Variants in FRMD4A observed in about 807,000 individuals in gnomAD.
FRMD4A encodes the protein FERM domain containing 4A, also known as FERM domain-containing protein 4A.
Under a neutral mutation model 129.1 loss-of-function variants are expected in FRMD4A, and 29 were observed. The ratio of observed to expected loss-of-function variants is 0.22; its 90% CI spans 0.17 to 0.31. The LOEUF (loss-of-function observed/expected upper bound fraction) is 0.31. FRMD4A is among the 10% of genes least tolerant of loss of function. The pLI, the probability that FRMD4A is intolerant of heterozygous loss-of-function variation, is 1.00. For synonymous variants in FRMD4A, 634 were observed against 571.6 expected (o/e 1.11, Z -1.56); for missense variants, 1,272 against 1,375.8 (o/e 0.92, Z 1.19).
chr10:13,961,801 G>C (rs1037313977), intron 2 of FRMD4A, among the ~76,000 whole-genome samples: 1 of 152,140 alleles, frequency 6.6e-6, no homozygotes, highest in African/African-American at 2.4e-5. Flanking sequence ...AATGATGTTA[G>C]ATTTCCACCT....
At chr10:13,764,184 C>CGTGTGTGTGTGTGTGT (rs369852562) in intron 6 of FRMD4A, among the ~76,000 whole-genome samples, 3 of 141,596 alleles carry the variant, frequency 2.1e-5, no homozygotes, top group African/African-American at 5.3e-5. Flanking sequence ...CAAAGATTTC[C>CGTGTGTGTGTGTGTGT]GTGTGTGTGT....
Position 14,062,844 on chromosome 10 carries a change from C to T in FRMD4A, c.46-203932G>A, listed in dbSNP as rs144593322. Among the ~76,000 whole-genome samples the T allele has an allele frequency of 2.3e-3, 349 of 152,314 alleles. 3 individuals carry two copies. Among genetic ancestry groups the T allele is most frequent in the African/African-American group, 8.0e-3 (334 of 41,564 alleles). On this transcript the variant is annotated intron_variant, in intron 2 of 24. Transcript: ENST00000357447. ...TTTGGGAGGTTGCAGTGAGATCATG[C>T]CATTGCACTCCAGTGAAAGGGGAAG... is the stretch of plus-strand genomic sequence containing the variant.
At chr10:13,799,738 T>C (rs1194501618) in intron 4 of FRMD4A, among the ~76,000 whole-genome samples, 2 of 152,122 alleles carry the variant, frequency 1.3e-5, no homozygotes, top group South Asian at 2.1e-4. Context: ...TGTTTAGCCA[T>C]TGTGCAAGGC....
intron 4 of FRMD4A, 93 bp downstream of exon 4, chr10:13,810,721 C>T: frequency 1.6e-6 from 1 of 609,460 alleles, no homozygotes. Flanking sequence ...AAGTGGTCTG[C>T]AGCTGATTTC....
chr10:13,832,159 C>CGG (rs58215787), intron 3 of FRMD4A, among the ~76,000 whole-genome samples: 5 of 151,854 alleles, frequency 3.3e-5, no homozygotes, highest in South Asian at 2.1e-4. Context: ...CCCAGCTCAC[C>CGG]GGGGGTGAAC....
rs140040052 is a variant in FRMD4A, at chr10:13,902,456, G to GGAGAGAGAGAGAGAGAGAGAGA, written c.46-43566_46-43545dup. 2.3e-3 allele frequency among the ~76,000 whole-genome samples: 300 copies of GGAGAGAGAGAGAGAGAGAGAGA among 127,736 alleles called. 8 individuals carry two copies. The highest frequency in any genetic ancestry group is 9.3e-3 in the Middle Eastern group (2 of 214). 83.8% of individuals were successfully genotyped at this position (127,736 alleles called of 152,430 possible). A position where few individuals can be genotyped will look rare whatever the true frequency, so the allele number is the denominator to read the frequency against. On this transcript the variant is annotated intron_variant, in intron 2 of 24. Coordinates refer to ENST00000357447, the MANE Select transcript of FRMD4A (RefSeq NM_018027.5). The stretch of plus-strand genomic sequence containing the variant: ...GAAATTGATGGTTAGGCAAAATACT[G>GGAGAGAGAGAGAGAGAGAGAGA]GAGAGAGAGAGAGAGAGAGAGAGAG...
intron 2 of FRMD4A, among the ~76,000 whole-genome samples, chr10:14,049,292 A>G (rs1834146371): frequency 1.3e-5 from 2 of 152,206 alleles, no homozygotes; most frequent in Admixed American, 6.5e-5. Context: ...GGGGATGAGG[A>G]GATCATTGTC....
At chr10:13,939,154 C>T (rs550899730) in intron 2 of FRMD4A, among the ~76,000 whole-genome samples, 17 of 152,314 alleles carry the variant, frequency 1.1e-4, no homozygotes, top group Non-Finnish European at 1.6e-4. Flanking sequence ...GGGAATTCAA[C>T]GCCAGTACCA....
chr10:13,719,563 T>G lies in FRMD4A; in HGVS notation c.760-12450A>C, dbSNP rs3814674. 0.01 allele frequency among the ~76,000 whole-genome samples: 1,588 copies of G among 152,252 alleles called. 70 individuals carry two copies. The South Asian group carries it at 0.12, about 11-fold the overall frequency. On this transcript the variant is annotated intron_variant, in intron 12 of 24. Transcript: ENST00000357447. ...AGTTGGGCACAGCATGTTCTGGCTG[T>G]GTAAGGTTTGGTGTTAAACAGGTTT...
At chr10:14,238,526 T>G (rs549020034) in intron 2 of FRMD4A, among the ~76,000 whole-genome samples, 20 of 152,312 alleles carry the variant, frequency 1.3e-4, no homozygotes, top group Admixed American at 3.3e-4. Flanking sequence ...TTTATTTATT[T>G]ATATTTTACT....
At chr10:13,863,778 T>C (rs976012206) in intron 2 of FRMD4A, among the ~76,000 whole-genome samples, 12 of 151,502 alleles carry the variant, frequency 7.9e-5, no homozygotes, top group Admixed American at 5.9e-4. Context: ...AAAAAAAGTG[T>C]AAAAAAGAAA....
intron 3 of FRMD4A, among the ~76,000 whole-genome samples, chr10:13,839,573 T>C (rs1472085324): frequency 6.6e-6 from 1 of 152,214 alleles, no homozygotes; most frequent in African/African-American, 2.4e-5. Flanking sequence ...TCCTGTTTTC[T>C]TTCTCCTTTC....
At chr10:13,943,990 T>C (rs891266569) in intron 2 of FRMD4A, among the ~76,000 whole-genome samples, 2 of 152,176 alleles carry the variant, frequency 1.3e-5, no homozygotes, top group African/African-American at 4.8e-5. Context: ...ACTCGATATG[T>C]TCCTACCATT....
Position 13,656,906 on chromosome 10 carries a change from G to GGCCCGTGTC in FRMD4A, c.2674_2682dup (p.Asp892_Gly894dup). 6.7e-7 allele frequency: 1 copy of GGCCCGTGTC among 1,486,856 alleles called. No individual in the cohort carries two copies. Among genetic ancestry groups the GGCCCGTGTC allele is most frequent in the Non-Finnish European group, 8.9e-7 (1 of 1,125,272 alleles). The allele number at this position is 1,486,856 out of a possible 1,614,324, so 92.1% of individuals were successfully genotyped here. Reference sequence around the variant, plus strand: ...ATCTGCGATCGCGACGGCGTCAGGCGGCCCGTGTCGCCCTCGTCGCCGCCG... The same window carrying GGCCCGTGTC: ...ATCTGCGATCGCGACGGCGTCAGGCGGCCCGTGTCGCCCGTGTCGCCCTCGTCGCCGCCG... On this transcript the variant is annotated inframe_insertion, in exon 22 of 25. Transcript: ENST00000357447.
chr10:14,047,715 A>T (rs780430844), intron 2 of FRMD4A, among the ~76,000 whole-genome samples: 21 of 152,208 alleles, frequency 1.4e-4, no homozygotes, highest in Non-Finnish European at 2.8e-4. Context: ...TCTTAGAAAT[A>T]CTTTCTTTTG....
At chr10:13,983,865 TGATG>T (rs2095571318) in intron 2 of FRMD4A, among the ~76,000 whole-genome samples, 1 of 150,320 alleles carries the variant, frequency 6.7e-6, no homozygotes, top group Non-Finnish European at 1.5e-5. Flanking sequence ...TAGCCGGGCA[TGATG>T]GCGGGCACCT....
chr10:13,717,292 A>G (rs73583648), intron 12 of FRMD4A, among the ~76,000 whole-genome samples: 1,769 of 152,178 alleles, frequency 0.012, 46 homozygotes, highest in African/African-American at 0.04. Context: ...CTCTTTCCAG[A>G]TTGGTGTAAA....
chr10:13,790,540 A>G (rs991190323), intron 5 of FRMD4A, among the ~76,000 whole-genome samples: 1 of 152,204 alleles, frequency 6.6e-6, no homozygotes, highest in Non-Finnish European at 1.5e-5. Context: ...AGCCAGGGAC[A>G]GAGGGGACAA....
chr10:13,847,591 G>C (rs1257321152), intron 3 of FRMD4A, among the ~76,000 whole-genome samples: 1 of 151,986 alleles, frequency 6.6e-6, no homozygotes, highest in Non-Finnish European at 1.5e-5. Flanking sequence ...TGCCAGATGA[G>C]TAAATCTGCC....
Sources: allele counts gnomAD v4.1 joint callset (sites outside exome capture counted in the v4.1 genomes callset), GRCh38; gene constraint gnomAD v4.1.1; transcripts MANE v1.5; gene names NCBI Gene and HGNC (gene_info 2026-07-23, HGNC 2026-07-21).